SGCD: variants seen among roughly 807,000 people sequenced by gnomAD.
SGCD encodes the protein sarcoglycan delta.
In SGCD, 18 loss-of-function variants were observed where a neutral mutation model predicts 36.6. The observed-to-expected ratio is 0.49, with a 90% confidence interval of 0.34 to 0.73. SGCD has a LOEUF of 0.73. SGCD is among the 30% of genes least tolerant of loss of function. The pLI is 0.01. For synonymous variants in SGCD, 133 were observed against 130.6 expected, an observed-to-expected ratio of 1.02 and a Z score of -0.12; for missense variants, 387 against 346.7, an observed-to-expected ratio of 1.12 and a Z score of -0.92.
intron 7 of SGCD, among the ~76,000 whole-genome samples, chr5:156,722,209 G>C (rs1345811286): frequency 1.3e-5 from 2 of 152,092 alleles, no homozygotes; most frequent in Non-Finnish European, 2.9e-5. Flanking sequence ...TTTTTATTAA[G>C]TAGATCAAAT....
intron 4 of SGCD, among the ~76,000 whole-genome samples, chr5:156,517,806 C>T (rs1757242643): frequency 6.6e-6 from 1 of 152,108 alleles, no homozygotes; most frequent in African/African-American, 2.4e-5. Context: ...GAATTTGTTA[C>T]CACTAGGCCT....
chr5:156,084,503 G>C (rs1761047711), intron 1 of SGCD, among the ~76,000 whole-genome samples: 1 of 152,194 alleles, frequency 6.6e-6, no homozygotes, highest in Non-Finnish European at 1.5e-5. Flanking sequence ...AATCATAAGA[G>C]ATCAGGCATG....
intron 3 of SGCD, among the ~76,000 whole-genome samples, chr5:156,166,764 T>A (rs1337163692): frequency 6.6e-6 from 1 of 152,208 alleles, no homozygotes; most frequent in Non-Finnish European, 1.5e-5. Context: ...GGACTTTCTT[T>A]GCACTTACAG....
intron 6 of SGCD, among the ~76,000 whole-genome samples, chr5:156,601,301 G>A (rs74873685): frequency 2.0e-5 from 3 of 152,132 alleles, no homozygotes; most frequent in Admixed American, 2.0e-4. Context: ...CCATTTTGAT[G>A]TGATTTTTAT....
intron 1 of SGCD, among the ~76,000 whole-genome samples, chr5:155,988,441 A>G (rs961973742): frequency 6.6e-6 from 1 of 152,134 alleles, no homozygotes; most frequent in Non-Finnish European, 1.5e-5. Flanking sequence ...TGTATCTGTC[A>G]CTTGAGCCTA....
At chr5:156,050,643 T>C (rs1759893037) in intron 1 of SGCD, among the ~76,000 whole-genome samples, 1 of 146,402 alleles carries the variant, frequency 6.8e-6, no homozygotes. Flanking sequence ...ATGCAGTGGC[T>C]TAAAACAACA....
intron 1 of SGCD, among the ~76,000 whole-genome samples, chr5:155,994,421 C>T (rs988269140): frequency 1.3e-5 from 2 of 152,124 alleles, no homozygotes; most frequent in Non-Finnish European, 2.9e-5. Flanking sequence ...TATTTCACCT[C>T]TCCTAGGACT....
rs150929203 is a variant in SGCD at position 156,698,840 on chromosome 5, T to TACACACACACACAC, written c.575+51332_575+51345dup. ...TTATATTTTGAAAACTAAATTAAAA[T>TACACACACACACAC]ACACACACACACACACACACACACA... On this transcript the variant is annotated intron_variant, in intron 7 of 8. Transcript: ENST00000337851. 9.7e-4 allele frequency among the ~76,000 whole-genome samples: 136 copies of TACACACACACACAC among 140,088 alleles called. 1 individual carries two copies. The highest frequency in any genetic ancestry group is 3.0e-3 in the African/African-American group (115 of 38,442). 91.9% of individuals were successfully genotyped at this position (140,088 alleles called of 152,430 possible). A position where few individuals can be genotyped will look rare whatever the true frequency, so the allele number is the denominator to read the frequency against.
the SGCD span, among the ~76,000 whole-genome samples, chr5:155,822,478 T>C: frequency 6.6e-6 from 1 of 152,190 alleles, no homozygotes; most frequent in South Asian, 2.1e-4. Flanking sequence ...TAAATATGAT[T>C]TGGTGTCTAT....
At chr5:156,646,677 C>T (rs1386900240) in intron 6 of SGCD, among the ~76,000 whole-genome samples, 1 of 152,182 alleles carries the variant, frequency 6.6e-6, no homozygotes, top group Non-Finnish European at 1.5e-5. Context: ...GTACAGGATA[C>T]TGCCTCAGCT....
chr5:156,124,473 T>G (rs1762121463), intron 3 of SGCD, among the ~76,000 whole-genome samples: 1 of 152,008 alleles, frequency 6.6e-6, no homozygotes, highest in Middle Eastern at 3.2e-3. Context: ...TTTAGGGGAG[T>G]TGTCTTTGTA....
At chr5:156,174,734 A>G (rs1763425254) in intron 3 of SGCD, among the ~76,000 whole-genome samples, 2 of 152,220 alleles carry the variant, frequency 1.3e-5, no homozygotes, top group South Asian at 4.1e-4. Flanking sequence ...AGGACCCACC[A>G]AGGGGACTTC....
chr5:155,907,067 A>G (rs1489317826), intron 1 of SGCD, among the ~76,000 whole-genome samples: 1 of 152,150 alleles, frequency 6.6e-6, no homozygotes, highest in Non-Finnish European at 1.5e-5. Context: ...CATTTGCCAT[A>G]CTGAAAATCC....
chr5:156,527,142 A>G (rs1334254010), intron 4 of SGCD, among the ~76,000 whole-genome samples: 2 of 152,134 alleles, frequency 1.3e-5, no homozygotes, highest in African/African-American at 4.8e-5. Context: ...TGGATCTCTC[A>G]GTAATTTTTA....
chr5:156,418,489 C>T (rs1773151559), intron 3 of SGCD, among the ~76,000 whole-genome samples: 2 of 152,132 alleles, frequency 1.3e-5, no homozygotes, highest in Admixed American at 1.3e-4. Flanking sequence ...ACCACCATCA[C>T]CTAAAGTGAA....
chr5:156,266,916 G>A (rs1316144339), intron 3 of SGCD, among the ~76,000 whole-genome samples: 3 of 151,864 alleles, frequency 2.0e-5, no homozygotes, highest in Non-Finnish European at 2.9e-5. Flanking sequence ...TTGGGTCTCC[G>A]GACGCTTTGA....
chr5:155,885,640 G>T (rs999750124), intron 1 of SGCD, among the ~76,000 whole-genome samples: 1 of 152,174 alleles, frequency 6.6e-6, no homozygotes, highest in African/African-American at 2.4e-5. Context: ...ACTTGAATAT[G>T]TGTTATTCTC....
At chr5:156,123,145 A>G (rs1365809237) in intron 2 of SGCD, among the ~76,000 whole-genome samples, 2 of 152,150 alleles carry the variant, frequency 1.3e-5, no homozygotes, top group Non-Finnish European at 2.9e-5. Context: ...GACATGCCCA[A>G]GTAGAGTTGT....
intron 3 of SGCD, among the ~76,000 whole-genome samples, chr5:156,457,656 G>A (rs1431290093): frequency 2.0e-5 from 3 of 152,048 alleles, no homozygotes; most frequent in African/African-American, 7.2e-5. Flanking sequence ...CTGACCCTGG[G>A]GCAAACACAG....
Sources: gnomAD v4.1 joint callset for allele counts (sites outside exome capture counted in the v4.1 genomes callset) on GRCh38, gnomAD v4.1.1 for gene constraint, MANE v1.5 for transcripts, NCBI Gene and HGNC (gene_info 2026-07-23, HGNC 2026-07-21) for gene names.